The following CHSY3 variants were observed in gnomAD, a reference collection of about 807,000 sequenced individuals.
CHSY3 encodes N-acetylgalactosaminyl-proteoglycan 3-beta-glucuronosyltransferase 3.
Under a neutral mutation model 67.2 loss-of-function variants are expected in CHSY3, and 35 were observed. That is an observed-to-expected ratio of 0.52 (90% CI 0.40 to 0.69). CHSY3 has a LOEUF of 0.69. Ranked by LOEUF, CHSY3 falls within the 30% of genes least tolerant of loss-of-function variation. CHSY3 has a pLI of 0.00. For synonymous variants in CHSY3, 474 were observed against 434.7 expected (o/e 1.09, Z -1.12); for missense variants, 1,069 against 1,138.5 (o/e 0.94, Z 0.88).
chr5:129,905,707 C>A (rs1211795568), intron 1 of CHSY3, 76 bp downstream of exon 1: 2 of 1,552,202 alleles, frequency 1.3e-6, no homozygotes, highest in Admixed American at 3.6e-5. Flanking sequence ...TAGCCCCTGC[C>A]CAGCCCCTCC....
intron 2 of CHSY3, among the ~76,000 whole-genome samples, chr5:129,961,411 T>C (rs1038105350): frequency 6.6e-6 from 1 of 152,054 alleles, no homozygotes; most frequent in African/African-American, 2.4e-5. Context: ...TGAACTCTCA[T>C]TTGAGAAAAA....
At chr5:129,928,428 T>C (rs1283442096) in intron 2 of CHSY3, among the ~76,000 whole-genome samples, 1 of 152,046 alleles carries the variant, frequency 6.6e-6, no homozygotes, top group Non-Finnish European at 1.5e-5. Flanking sequence ...CTGCTTTGAT[T>C]AGCTTTGTTT....
chr5:130,172,567 G>A (rs913042403), intron 2 of CHSY3, among the ~76,000 whole-genome samples: 2 of 152,132 alleles, frequency 1.3e-5, no homozygotes, highest in Admixed American at 6.5e-5. Context: ...TTGGACTCAA[G>A]CAACCTGCCT....
intron 2 of CHSY3, among the ~76,000 whole-genome samples, chr5:130,057,843 C>A (rs1045262071): frequency 3.3e-5 from 5 of 152,112 alleles, no homozygotes; most frequent in African/African-American, 7.2e-5. Context: ...TTATCTGTTT[C>A]TCCCACCTCC....
chr5:130,096,910 A>G (rs567871993), intron 2 of CHSY3, among the ~76,000 whole-genome samples: 8 of 152,162 alleles, frequency 5.3e-5, no homozygotes, highest in Non-Finnish European at 1.2e-4. Flanking sequence ...TAGTATTAAC[A>G]TTTTATTGCT....
chr5:129,987,081 G>A (rs1198347133), intron 2 of CHSY3, among the ~76,000 whole-genome samples: 2 of 152,054 alleles, frequency 1.3e-5, no homozygotes, highest in African/African-American at 2.4e-5. Context: ...TTTCATTAAA[G>A]TTCCTTTTTC....
chr5:129,929,541 A>T (rs1158870777), intron 2 of CHSY3, among the ~76,000 whole-genome samples: 1 of 152,148 alleles, frequency 6.6e-6, no homozygotes, highest in Non-Finnish European at 1.5e-5. Context: ...GTAGTGGAAC[A>T]TGTTCCTTGT....
chr5:130,106,468 A>G (rs1767416739), intron 2 of CHSY3, among the ~76,000 whole-genome samples: 2 of 151,688 alleles, frequency 1.3e-5, no homozygotes, highest in South Asian at 2.1e-4. Flanking sequence ...AGAGAATAAA[A>G]TAGATCAAGT....
In CHSY3 at chr5:130,184,386, C is replaced by G. The variant is rs1186271000; in HGVS notation, c.1244C>G (p.Ser415Cys). ...LHNYMLSRKI[S>C]ELRYRTIQLH... ...AATTACATGCTCAGCCGCAAAATTT[C>G]TGAACTTCGCTACCGCACCATCCAG... Residue 415 changes from serine (S) to cysteine (C), a missense_variant, in exon 3 of 3, where the codon TCT (serine) becomes TGT (cysteine). This residue lies in a region of CHSY3 where 401 missense variants were observed against 395.2 expected (regional missense o/e 1.01). Coordinates refer to ENST00000305031, the MANE Select transcript of CHSY3 (RefSeq NM_175856.5). 1.9e-6 allele frequency: 3 copies of G among 1,613,960 alleles called. No individual in the cohort carries two copies. The African/African-American group carries it at 4.0e-5, about 22-fold the overall frequency.
intron 2 of CHSY3, among the ~76,000 whole-genome samples, chr5:130,077,243 A>G (rs184900785): frequency 2.9e-4 from 44 of 152,202 alleles, no homozygotes; most frequent in Admixed American, 1.6e-3. Flanking sequence ...CAATATCTTT[A>G]AAGTTCTACC....
At chr5:130,090,897 A>G (rs915527133) in intron 2 of CHSY3, among the ~76,000 whole-genome samples, 13 of 152,172 alleles carry the variant, frequency 8.5e-5, no homozygotes, top group African/African-American at 2.9e-4. Context: ...GCCTTTGCCT[A>G]TGAAATAAGT....
At chr5:130,068,274 A>G (rs894503548) in intron 2 of CHSY3, among the ~76,000 whole-genome samples, 7 of 152,136 alleles carry the variant, frequency 4.6e-5, no homozygotes, top group South Asian at 2.1e-4. Context: ...ATAAGATGGA[A>G]TATCCACTAA....
Position 130,186,093 on chromosome 5 carries a change from A to T in CHSY3, c.*302A>T, listed in dbSNP as rs1770410407. 2 of 165,326 alleles carry T rather than the reference A, an allele frequency of 1.2e-5. No individual in the cohort carries two copies. Among genetic ancestry groups the T allele is most frequent in the Admixed American group, 1.3e-4 (2 of 15,680 alleles). The allele number at this position is 165,326 out of a possible 1,614,324, so 10.2% of individuals were successfully genotyped here. On this transcript the variant is annotated 3_prime_UTR_variant, in exon 3 of 3. Coordinates refer to ENST00000305031, the MANE Select transcript of CHSY3 (RefSeq NM_175856.5). Reference sequence around the variant, plus strand: ...AAATGACTTTTGAAACGCATTCATCACAAGAGACAGCTTAGAAGAATGTTC... The same window carrying T: ...AAATGACTTTTGAAACGCATTCATCTCAAGAGACAGCTTAGAAGAATGTTC...
chr5:130,087,239 T>C (rs1766673917), intron 2 of CHSY3, among the ~76,000 whole-genome samples: 1 of 152,078 alleles, frequency 6.6e-6, no homozygotes, highest in Non-Finnish European at 1.5e-5. Context: ...GAGCTATCTG[T>C]GACAAACCCA....
intron 2 of CHSY3, among the ~76,000 whole-genome samples, chr5:130,007,746 C>G (rs1452303673): frequency 6.6e-6 from 1 of 152,082 alleles, no homozygotes; most frequent in African/African-American, 2.4e-5. Context: ...TCAAGACTCG[C>G]CAAATTCCTC....
At chr5:130,023,227 T>C (rs1265995163) in intron 2 of CHSY3, among the ~76,000 whole-genome samples, 3 of 151,872 alleles carry the variant, frequency 2.0e-5, no homozygotes, top group Non-Finnish European at 4.4e-5. Flanking sequence ...TTGTTTTCCC[T>C]ACAGGAAGGA....
intron 2 of CHSY3, among the ~76,000 whole-genome samples, chr5:130,020,496 A>C (rs1764358971): frequency 7.5e-6 from 1 of 132,932 alleles, no homozygotes; most frequent in Non-Finnish European, 1.6e-5. Context: ...GCTCCTCCAC[A>C]TCCTTTTGAT....
At chr5:129,934,585 A>G (rs1761428386) in intron 2 of CHSY3, among the ~76,000 whole-genome samples, 1 of 152,140 alleles carries the variant, frequency 6.6e-6, no homozygotes. Flanking sequence ...CTGGAGGAGT[A>G]AGTCTGGATT....
rs190940974 is a variant in CHSY3 at position 129,991,868 on chromosome 5, A to G, written c.1086+83508A>G. ...AAATACGACAATTAATGACGTCCCC[A>G]AAAGATTTCAGGGAACATGAAGTTG... On this transcript the variant is annotated intron_variant, in intron 2 of 2. Transcript: ENST00000305031. 3.4e-4 allele frequency among the ~76,000 whole-genome samples: 52 copies of G among 152,272 alleles called. No homozygotes were observed. The East Asian group carries it at 9.5e-3, about 28-fold the overall frequency.
Sources: gnomAD v4.1 joint callset for allele counts (sites outside exome capture counted in the v4.1 genomes callset) on GRCh38, gnomAD v4.1.1 for gene constraint, gnomAD v4.1.1 regional missense constraint, MANE v1.5 for transcripts, NCBI Gene and HGNC (gene_info 2026-07-23, HGNC 2026-07-21) for gene names.